HS6ST3: variants seen among roughly 807,000 people sequenced by gnomAD.
HS6ST3 encodes heparan-sulfate 6-O-sulfotransferase 3.
A neutral mutation model predicts 36.7 loss-of-function variants in HS6ST3; 12 were observed. The ratio of observed to expected loss-of-function variants is 0.33; its 90% CI spans 0.21 to 0.53. HS6ST3 has a LOEUF of 0.53. HS6ST3 is among the 20% of genes least tolerant of loss of function. The probability of loss-of-function intolerance (pLI) is 0.95; values close to 1 mark genes in which losing one functional copy is unlikely to be tolerated. For missense variants in HS6ST3, 584 were observed against 640.9 expected (o/e 0.91, Z 0.96); for synonymous variants, 240 against 257.5 (o/e 0.93, Z 0.65).
At chr13:96,406,522 G>T (rs1237310703) in intron 1 of HS6ST3, among the ~76,000 whole-genome samples, 2 of 152,182 alleles carry the variant, frequency 1.3e-5, no homozygotes, top group Non-Finnish European at 2.9e-5. Flanking sequence ...GAATGTTTTA[G>T]CTATCATTTG....
chr13:96,201,324 C>A, intron 1 of HS6ST3, among the ~76,000 whole-genome samples: 1 of 151,928 alleles, frequency 6.6e-6, no homozygotes, highest in Non-Finnish European at 1.5e-5. Flanking sequence ...AAATTCCTTG[C>A]GTGGAGGAAG....
chr13:96,803,777 G>A (rs1418402040), intron 1 of HS6ST3, among the ~76,000 whole-genome samples: 2 of 152,098 alleles, frequency 1.3e-5, no homozygotes, highest in Non-Finnish European at 2.9e-5. Flanking sequence ...TTTGACAGCA[G>A]GCAAGGAAAA....
chr13:96,162,907 T>TTTG (rs1251216381), intron 1 of HS6ST3, among the ~76,000 whole-genome samples: 1 of 152,190 alleles, frequency 6.6e-6, no homozygotes, highest in South Asian at 2.1e-4. Context: ...TTAGTTTTTT[T>TTTG]TTGTTGTTGT....
chr13:96,826,451 G>A (rs1878649775), intron 1 of HS6ST3, among the ~76,000 whole-genome samples: 1 of 152,076 alleles, frequency 6.6e-6, no homozygotes, highest in Admixed American at 6.5e-5. Flanking sequence ...GTAGGCCTCT[G>A]TAGTAGGTGC....
chr13:96,238,493 T>G (rs537142702), intron 1 of HS6ST3, among the ~76,000 whole-genome samples: 1 of 152,234 alleles, frequency 6.6e-6, no homozygotes, highest in Non-Finnish European at 1.5e-5. Flanking sequence ...CTGTCTGTCT[T>G]TTGCAAATGC....
At chr13:96,221,152 GGT>G (rs1232075496) in intron 1 of HS6ST3, among the ~76,000 whole-genome samples, 1 of 152,082 alleles carries the variant, frequency 6.6e-6, no homozygotes, top group Admixed American at 6.6e-5. Context: ...AGGAAAAATA[GGT>G]GCTGCTTTTT....
intron 1 of HS6ST3, among the ~76,000 whole-genome samples, chr13:96,149,715 A>T (rs1408446993): frequency 3.9e-5 from 6 of 152,238 alleles, no homozygotes; most frequent in Non-Finnish European, 8.8e-5. Flanking sequence ...TATGTCCATG[A>T]CAGAAATACA....
In HS6ST3 at chr13:96,351,810, T is replaced by G. The variant is rs565208838; in HGVS notation, c.707+260241T>G. On this transcript the variant is annotated intron_variant, in intron 1 of 1. Transcript: ENST00000376705. ...GTGAAATTATTATTTGCATATGGTATGATTGCCCATCTGAAAAATGCAAAA... is the reference window on the plus strand; with the variant it reads ...GTGAAATTATTATTTGCATATGGTAGGATTGCCCATCTGAAAAATGCAAAA... 1.2e-4 allele frequency among the ~76,000 whole-genome samples: 19 copies of G among 152,360 alleles called. 1 individual carries two copies. The highest frequency in any genetic ancestry group is 8.5e-4 in the Admixed American group (13 of 15,306).
At chr13:96,576,027 C>A (rs942285285) in intron 1 of HS6ST3, among the ~76,000 whole-genome samples, 1 of 152,014 alleles carries the variant, frequency 6.6e-6, no homozygotes. Context: ...TGTGGCTTCC[C>A]GAAATGGGCA....
intron 1 of HS6ST3, among the ~76,000 whole-genome samples, chr13:96,355,504 T>C (rs2055206112): frequency 6.6e-6 from 1 of 152,096 alleles, no homozygotes; most frequent in Admixed American, 6.6e-5. Flanking sequence ...GTCACATAAA[T>C]ATTTGGTTTC....
intron 1 of HS6ST3, among the ~76,000 whole-genome samples, chr13:96,346,623 T>A (rs1438268944): frequency 6.6e-6 from 1 of 151,774 alleles, no homozygotes; most frequent in African/African-American, 2.4e-5. Flanking sequence ...AAAACAGGTA[T>A]ATAATCTCGT....
At chr13:96,198,166 C>G (rs1268361346) in intron 1 of HS6ST3, among the ~76,000 whole-genome samples, 1 of 152,218 alleles carries the variant, frequency 6.6e-6, no homozygotes, top group Non-Finnish European at 1.5e-5. Flanking sequence ...ATGTTAGTCC[C>G]TTTCAGCATG....
chr13:96,440,092 ATGTT>A (rs1337461906), intron 1 of HS6ST3, among the ~76,000 whole-genome samples: 2 of 152,130 alleles, frequency 1.3e-5, no homozygotes, highest in South Asian at 4.1e-4. Context: ...ATGTGTGTGT[ATGTT>A]TGTTTGTTTG....
At chr13:96,319,069 T>G (rs1452888824) in intron 1 of HS6ST3, among the ~76,000 whole-genome samples, 1 of 152,184 alleles carries the variant, frequency 6.6e-6, no homozygotes, top group East Asian at 1.9e-4. Flanking sequence ...GAACATTTTC[T>G]TCAGCCAAAA....
chr13:96,091,296 G>A lies in HS6ST3; in HGVS notation c.434G>A (p.Arg145His), dbSNP rs1284652600. 2.5e-6 allele frequency: 4 copies of A among 1,613,562 alleles called. No homozygotes were observed. In the African/African-American group the frequency reaches 5.3e-5, roughly 22 times the overall value. ...TTCGTGGATTTCAACATCAAAGGGC[G>A]CGACGTGATCGTGTTCCTCCACATC... ...TRFVDFNIKG[R>H]DVIVFLHIQK... is the part of the protein sequence containing the mutation. Residue 145 changes from arginine (R) to histidine (H), a missense_variant, in exon 1 of 2, where the codon CGC (arginine) becomes CAC (histidine). By Grantham distance (29) the Arg-to-His change is conservative (BLOSUM62 0). This residue lies in a region of HS6ST3 where 7 missense variants were observed against 24.2 expected (regional missense o/e 0.29). Coordinates refer to ENST00000376705, the MANE Select transcript of HS6ST3 (RefSeq NM_153456.4).
intron 1 of HS6ST3, among the ~76,000 whole-genome samples, chr13:96,630,221 C>T (rs2056527244): frequency 6.6e-6 from 1 of 152,014 alleles, no homozygotes. Context: ...CTGCCTGTCT[C>T]TCATTCTTGG....
chr13:96,776,434 A>G (rs1468977321), intron 1 of HS6ST3, among the ~76,000 whole-genome samples: 1 of 152,200 alleles, frequency 6.6e-6, no homozygotes, highest in South Asian at 2.1e-4. Context: ...CAAAATAGGT[A>G]GACTGCTAGC....
At chr13:96,743,064 A>G (rs531742258) in intron 1 of HS6ST3, among the ~76,000 whole-genome samples, 143 of 152,032 alleles carry the variant, frequency 9.4e-4, no homozygotes, top group Non-Finnish European at 1.7e-3. Flanking sequence ...ATTTTTTGTA[A>G]TGTTAGTACT....
chr13:96,181,867 C>T (rs114665229), intron 1 of HS6ST3, among the ~76,000 whole-genome samples: 3,884 of 152,126 alleles, frequency 0.026, 62 homozygotes, highest in South Asian at 0.055. Context: ...TTTTTTTCTC[C>T]CCCCACTGCA....
Sources: allele counts gnomAD v4.1 joint callset (sites outside exome capture counted in the v4.1 genomes callset), GRCh38; gene constraint gnomAD v4.1.1; regional missense constraint gnomAD v4.1.1; transcripts MANE v1.5; gene names NCBI Gene and HGNC (gene_info 2026-07-23, HGNC 2026-07-21).